Variants in PCP4 observed in about 807,000 individuals in gnomAD.
PCP4 encodes the protein calmodulin regulator protein PCP4.
PCP4 carries 8 observed loss-of-function variants against 10.0 expected under a neutral mutation model. The ratio of observed to expected loss-of-function variants is 0.80; its 90% CI spans 0.47 to 1.45. PCP4 has a LOEUF of 1.45. Ranked by LOEUF, PCP4 falls within the 40% of genes most tolerant of loss-of-function variation. The pLI is 0.00. For synonymous variants in PCP4, 21 were observed against 23.0 expected, an observed-to-expected ratio of 0.91 and a Z score of 0.24; for missense variants, 54 against 74.4, an observed-to-expected ratio of 0.73 and a Z score of 1.01.
In PCP4 at chr21:39,887,997, C is replaced by T. The variant is rs150631895; in HGVS notation, c.10-10479C>T. 1.4e-3 allele frequency among the ~76,000 whole-genome samples: 219 copies of T among 152,274 alleles called. 1 individual carries two copies. The East Asian group carries it at 0.023, about 16-fold the overall frequency. ...AATATATACCAAAGATATGCGGATT[C>T]GTGTTTTTCCCCTTTTTTATGATCC... On this transcript the variant is annotated intron_variant, in intron 1 of 2. Coordinates refer to ENST00000328619, the MANE Select transcript of PCP4 (RefSeq NM_006198.3).
intron 2 of PCP4, among the ~76,000 whole-genome samples, 163 bp from the exon 3 acceptor site, chr21:39,928,821 C>G (rs901219797): frequency 6.6e-6 from 1 of 151,922 alleles, no homozygotes; most frequent in Admixed American, 6.6e-5. Context: ...TCAAAACACT[C>G]CACTGGATTT....
At chr21:39,902,145 T>C (rs1452318160) in intron 2 of PCP4, among the ~76,000 whole-genome samples, 1 of 152,170 alleles carries the variant, frequency 6.6e-6, no homozygotes, top group Non-Finnish European at 1.5e-5. Flanking sequence ...GCTGTCTACA[T>C]GTCTTGAAGG....
intron 1 of PCP4, among the ~76,000 whole-genome samples, chr21:39,887,215 C>T (rs2837267): frequency 0.22 from 34,127 of 151,892 alleles, 4,094 homozygotes; most frequent in South Asian, 0.38. Context: ...AGGAATAGAA[C>T]GTAGTATTTG....
chr21:39,913,089 A>G (rs760153840), intron 2 of PCP4, among the ~76,000 whole-genome samples: 12 of 152,156 alleles, frequency 7.9e-5, no homozygotes, highest in Admixed American at 2.0e-4. Context: ...ACATAACTTT[A>G]CTTCTGGGGT....
At chr21:39,894,792 G>A (rs568969422) in intron 1 of PCP4, among the ~76,000 whole-genome samples, 94 of 152,128 alleles carry the variant, frequency 6.2e-4, no homozygotes, top group Non-Finnish European at 8.4e-4. Context: ...TATGTTCTTA[G>A]GATGATGAAC....
intron 1 of PCP4, among the ~76,000 whole-genome samples, chr21:39,875,158 C>G (rs535547946): frequency 1.3e-5 from 2 of 151,810 alleles, no homozygotes; most frequent in Non-Finnish European, 2.9e-5. Context: ...GCCACTGTTT[C>G]GTTAGGAGTT....
At chr21:39,871,400 T>C (rs2087319414) in intron 1 of PCP4, among the ~76,000 whole-genome samples, 1 of 152,240 alleles carries the variant, frequency 6.6e-6, no homozygotes, top group Admixed American at 6.5e-5. Flanking sequence ...CTGTATATTT[T>C]AGACCAGTTG....
At chr21:39,922,977 G>T (rs996870236) in intron 2 of PCP4, among the ~76,000 whole-genome samples, 1 of 152,202 alleles carries the variant, frequency 6.6e-6, no homozygotes, top group Non-Finnish European at 1.5e-5. Context: ...TCTTCTAGTG[G>T]AGTGGGAATT....
At chr21:39,905,967 G>A (rs538629837) in intron 2 of PCP4, among the ~76,000 whole-genome samples, 5 of 152,286 alleles carry the variant, frequency 3.3e-5, no homozygotes, top group South Asian at 2.1e-4. Flanking sequence ...GGAGAATGGC[G>A]TGAACCCAGG....
At chr21:39,877,484 A>G (rs550944720) in intron 1 of PCP4, among the ~76,000 whole-genome samples, 4 of 151,734 alleles carry the variant, frequency 2.6e-5, no homozygotes, top group Non-Finnish European at 5.9e-5. Context: ...CCCAGGAGTT[A>G]GAGACCAGCC....
chr21:39,891,646 G>T (rs1407990465), intron 1 of PCP4, among the ~76,000 whole-genome samples: 1 of 152,198 alleles, frequency 6.6e-6, no homozygotes, highest in Non-Finnish European at 1.5e-5. Context: ...CGAACGGCTG[G>T]GCTGGCCGTT....
At chr21:39,871,900 T>C (rs2087322053) in intron 1 of PCP4, among the ~76,000 whole-genome samples, 1 of 152,200 alleles carries the variant, frequency 6.6e-6, no homozygotes, top group African/African-American at 2.4e-5. Context: ...ATTGATTTTA[T>C]TAAAGGTTTA....
chr21:39,905,031 A>T (rs896622420), intron 2 of PCP4, among the ~76,000 whole-genome samples: 1 of 152,214 alleles, frequency 6.6e-6, no homozygotes, highest in Non-Finnish European at 1.5e-5. Flanking sequence ...TGTGCAACAT[A>T]TCCCAGGCTA....
At chr21:39,919,602 G>A (rs555837588) in intron 2 of PCP4, among the ~76,000 whole-genome samples, 5 of 152,250 alleles carry the variant, frequency 3.3e-5, no homozygotes, top group Admixed American at 2.6e-4. Flanking sequence ...AAAATATGAA[G>A]AGTGATAAAT....
At chr21:39,883,967 TTC>T (rs1568851656) in intron 1 of PCP4, among the ~76,000 whole-genome samples, 1 of 152,186 alleles carries the variant, frequency 6.6e-6, no homozygotes, top group East Asian at 1.9e-4. Flanking sequence ...TATATTGTTA[TTC>T]TCATGTAATA....
At chr21:39,910,151 C>A (rs982530803) in intron 2 of PCP4, among the ~76,000 whole-genome samples, 1 of 152,128 alleles carries the variant, frequency 6.6e-6, no homozygotes, top group Non-Finnish European at 1.5e-5. Flanking sequence ...CATGCTCTGG[C>A]GTTCATTTAG....
At chr21:39,874,956 C>T (rs565139064) in intron 1 of PCP4, among the ~76,000 whole-genome samples, 38 of 152,148 alleles carry the variant, frequency 2.5e-4, no homozygotes, top group Non-Finnish European at 4.6e-4. Context: ...GATTCATGTT[C>T]TTAGACAGCA....
At chr21:39,926,657 A>G (rs144952912) in intron 2 of PCP4, among the ~76,000 whole-genome samples, 189 of 152,346 alleles carry the variant, frequency 1.2e-3, no homozygotes, top group Non-Finnish European at 2.4e-3. Context: ...AAAAGGGTTT[A>G]TTGCCATGAG....
In PCP4 at chr21:39,909,705, C is replaced by G. The variant is rs1479850089; in HGVS notation, c.61+11178C>G. Among the ~76,000 whole-genome samples the G allele has an allele frequency of 2.6e-5, 4 of 152,294 alleles. No individual in the cohort carries two copies. In the South Asian group the frequency reaches 6.2e-4, roughly 24 times the overall value. On this transcript the variant is annotated intron_variant, in intron 2 of 2. Coordinates refer to ENST00000328619, the MANE Select transcript of PCP4 (RefSeq NM_006198.3). Reference sequence around the variant, plus strand: ...ACAACGTTTATGAAAACTCTCCCTTCAGGAACTTATGATTATGTGAAGGGG... The same window carrying G: ...ACAACGTTTATGAAAACTCTCCCTTGAGGAACTTATGATTATGTGAAGGGG...
Sources: gnomAD v4.1 joint callset for allele counts (sites outside exome capture counted in the v4.1 genomes callset) on GRCh38, gnomAD v4.1.1 for gene constraint, MANE v1.5 for transcripts, NCBI Gene and HGNC (gene_info 2026-07-23, HGNC 2026-07-21) for gene names.